The following GPC5 variants were observed in gnomAD, a reference collection of about 807,000 sequenced individuals.
GPC5 encodes the protein glypican-5.
A neutral mutation model predicts 53.9 loss-of-function variants in GPC5; 47 were observed. The observed-to-expected ratio is 0.87, with a 90% CI of 0.69 to 1.11. The LOEUF (loss-of-function observed/expected upper bound fraction) is 1.11, where lower values mean the gene tolerates loss of function less well. GPC5 is among the 50% of genes most tolerant of loss of function. The pLI, the probability that GPC5 is intolerant of heterozygous loss-of-function variation, is 0.00. For missense variants in GPC5, 748 were observed against 713.1 expected, an observed-to-expected ratio of 1.05 and a Z score of -0.56; for synonymous variants, 286 against 263.3, an observed-to-expected ratio of 1.09 and a Z score of -0.84.
intron 6 of GPC5, among the ~76,000 whole-genome samples, chr13:91,963,266 G>C (rs2040143489): frequency 6.6e-6 from 1 of 152,174 alleles, no homozygotes; most frequent in African/African-American, 2.4e-5. Context: ...AGGGTTTGCA[G>C]AAACTATATG....
At chr13:92,751,125 T>C (rs989017014) in intron 7 of GPC5, among the ~76,000 whole-genome samples, 10 of 151,858 alleles carry the variant, frequency 6.6e-5, no homozygotes, top group African/African-American at 2.2e-4. Context: ...CAATTCATCC[T>C]TTATTAGAAG....
At chr13:92,592,390 G>A (rs1883741768) in intron 7 of GPC5, among the ~76,000 whole-genome samples, 1 of 149,010 alleles carries the variant, frequency 6.7e-6, no homozygotes, top group African/African-American at 2.4e-5. Flanking sequence ...AGACAAGCAG[G>A]TCTTCCTCCT....
intron 7 of GPC5, among the ~76,000 whole-genome samples, chr13:92,612,492 A>T (rs1359987208): frequency 6.6e-6 from 1 of 152,104 alleles, no homozygotes. Flanking sequence ...AGCATATTTT[A>T]TGGAGAGGGC....
At chr13:91,931,683 C>T (rs747982433) in intron 6 of GPC5, among the ~76,000 whole-genome samples, 5 of 151,934 alleles carry the variant, frequency 3.3e-5, no homozygotes, top group African/African-American at 4.8e-5. Flanking sequence ...ACCTATGACA[C>T]GCATTGCACA....
intron 7 of GPC5, among the ~76,000 whole-genome samples, chr13:92,479,641 A>G (rs1189289358): frequency 6.6e-6 from 1 of 152,136 alleles, no homozygotes; most frequent in Non-Finnish European, 1.5e-5. Flanking sequence ...CATGAGTGTA[A>G]CAGAATGAAA....
At chr13:92,399,014 G>A (rs1056765944) in intron 7 of GPC5, among the ~76,000 whole-genome samples, 2 of 152,126 alleles carry the variant, frequency 1.3e-5, no homozygotes, top group Non-Finnish European at 2.9e-5. Context: ...TGTGTTTCAT[G>A]ATGTTACCTG....
At chr13:91,697,110 T>C (rs951135964) in intron 3 of GPC5, among the ~76,000 whole-genome samples, 1 of 152,210 alleles carries the variant, frequency 6.6e-6, no homozygotes, top group African/African-American at 2.4e-5. Context: ...TATCACATTA[T>C]ATTATTTAGA....
chr13:91,616,534 T>C (rs916365235), intron 2 of GPC5, among the ~76,000 whole-genome samples: 3 of 152,146 alleles, frequency 2.0e-5, no homozygotes, highest in African/African-American at 7.2e-5. Flanking sequence ...TCTACCTGGT[T>C]ATCTTATGTT....
chr13:92,271,622 G>A (rs956171126), intron 7 of GPC5, among the ~76,000 whole-genome samples: 1 of 152,156 alleles, frequency 6.6e-6, no homozygotes, highest in South Asian at 2.1e-4. Context: ...GGCACGTTTA[G>A]TAAGGATGTA....
intron 7 of GPC5, among the ~76,000 whole-genome samples, chr13:92,223,226 A>G (rs2042462001): frequency 6.6e-6 from 1 of 152,196 alleles, no homozygotes; most frequent in Non-Finnish European, 1.5e-5. Context: ...GGACTTAGGA[A>G]ACTTGAAAGG....
chr13:91,412,252 G>A (rs1286074755), intron 1 of GPC5, among the ~76,000 whole-genome samples: 1 of 152,202 alleles, frequency 6.6e-6, no homozygotes, highest in African/African-American at 2.4e-5. Flanking sequence ...CCTTTTCGTG[G>A]CTGAATTGCT....
At chr13:92,567,085 T>G (rs1340460767) in intron 7 of GPC5, among the ~76,000 whole-genome samples, 1 of 152,074 alleles carries the variant, frequency 6.6e-6, no homozygotes, top group East Asian at 1.9e-4. Flanking sequence ...CTGCTTCTTG[T>G]TTGAAAGGAT....
At chr13:92,833,257 G>A (rs915599757) in intron 7 of GPC5, among the ~76,000 whole-genome samples, 3 of 152,134 alleles carry the variant, frequency 2.0e-5, no homozygotes, top group African/African-American at 7.2e-5. Flanking sequence ...ATAAGTAAAA[G>A]GAAACCAGCT....
intron 7 of GPC5, among the ~76,000 whole-genome samples, chr13:92,651,651 C>T (rs949289178): frequency 1.7e-4 from 26 of 152,130 alleles, no homozygotes; most frequent in Middle Eastern, 3.4e-3. Context: ...AAAGTGTGGG[C>T]TTCAGTTAAT....
At chr13:91,437,776 C>T (rs1291436478) in intron 1 of GPC5, among the ~76,000 whole-genome samples, 1 of 152,162 alleles carries the variant, frequency 6.6e-6, no homozygotes, top group Admixed American at 6.5e-5. Flanking sequence ...TTCCATTCTC[C>T]CCGTCACTTT....
At chr13:92,754,646 A>C (rs1007501946) in intron 7 of GPC5, among the ~76,000 whole-genome samples, 8 of 151,478 alleles carry the variant, frequency 5.3e-5, no homozygotes, top group African/African-American at 1.2e-4. Flanking sequence ...TCTACCAAGC[A>C]AATGGAAAAC....
chr13:92,499,666 A>G (rs1041229502), intron 7 of GPC5, among the ~76,000 whole-genome samples: 3 of 152,206 alleles, frequency 2.0e-5, no homozygotes, highest in African/African-American at 7.2e-5. Context: ...GCCAGAATCA[A>G]TATTACAGTA....
chr13:91,591,605 C>T (rs977014919), intron 2 of GPC5, among the ~76,000 whole-genome samples: 1 of 152,108 alleles, frequency 6.6e-6, no homozygotes, highest in African/African-American at 2.4e-5. Flanking sequence ...TTTATAATCC[C>T]ATGTGTCTTG....
intron 7 of GPC5, among the ~76,000 whole-genome samples, chr13:92,460,358 C>T (rs997017511): frequency 6.6e-6 from 1 of 152,092 alleles, no homozygotes; most frequent in African/African-American, 2.4e-5. Context: ...CATACATTTA[C>T]TCCCCAAACA....
Sources: gnomAD v4.1 joint callset for allele counts (sites outside exome capture counted in the v4.1 genomes callset) on GRCh38, gnomAD v4.1.1 for gene constraint, MANE v1.5 for transcripts, NCBI Gene and HGNC (gene_info 2026-07-23, HGNC 2026-07-21) for gene names.